The following WDR41 variants were observed in gnomAD, a reference collection of about 807,000 sequenced individuals.
The protein encoded by WDR41 is WD repeat-containing protein 41.
WDR41 carries 63 observed loss-of-function variants against 69.3 expected under a neutral mutation model. That is an observed-to-expected ratio of 0.91 (90% CI 0.74 to 1.12). The LOEUF (loss-of-function observed/expected upper bound fraction) is 1.12. Ranked by LOEUF, WDR41 falls within the 50% of genes most tolerant of loss-of-function variation. WDR41 has a pLI of 0.00. For synonymous variants in WDR41, 185 were observed against 192.1 expected, an observed-to-expected ratio of 0.96 and a Z score of 0.31; for missense variants, 543 against 534.5, an observed-to-expected ratio of 1.02 and a Z score of -0.16.
intron 8 of WDR41, among the ~76,000 whole-genome samples, chr5:77,443,249 C>T (rs1026066878): frequency 2.0e-5 from 3 of 152,106 alleles, no homozygotes; most frequent in Admixed American, 1.3e-4. Context: ...GTATTTTGAG[C>T]CCCTGGTATT....
At chr5:77,594,467 T>A (rs1356286201) in intron 1 of WDR41, among the ~76,000 whole-genome samples, 1 of 151,936 alleles carries the variant, frequency 6.6e-6, no homozygotes, top group African/African-American at 2.4e-5. Context: ...AAATAAATAA[T>A]TAAATACATC....
intron 8 of WDR41, among the ~76,000 whole-genome samples, chr5:77,443,776 C>A (rs1448077353): frequency 6.6e-6 from 1 of 152,070 alleles, no homozygotes; most frequent in Non-Finnish European, 1.5e-5. Context: ...TGACTTAATC[C>A]TCCAAGTGTC....
intron 1 of WDR41, among the ~76,000 whole-genome samples, chr5:77,605,524 G>T (rs995142861): frequency 6.6e-6 from 1 of 152,108 alleles, no homozygotes; most frequent in African/African-American, 2.4e-5. Context: ...TTTGCTCTAC[G>T]GGACCAAAAG....
At chr5:77,523,800 C>CT (rs1198315714) in intron 1 of WDR41, among the ~76,000 whole-genome samples, 1 of 152,062 alleles carries the variant, frequency 6.6e-6, no homozygotes, top group East Asian at 1.9e-4. Flanking sequence ...CAATTTTGAA[C>CT]TTTGAATATT....
At chr5:77,478,182 A>G (rs565105858) in intron 2 of WDR41, among the ~76,000 whole-genome samples, 2 of 152,320 alleles carry the variant, frequency 1.3e-5, no homozygotes, top group African/African-American at 4.8e-5. Context: ...GGCAATAATC[A>G]ATAGTTTACC....
chr5:77,433,655 C>T (rs1428987685), intron 12 of WDR41, among the ~76,000 whole-genome samples: 1 of 152,156 alleles, frequency 6.6e-6, no homozygotes, highest in Non-Finnish European at 1.5e-5. Flanking sequence ...TAAACACTGG[C>T]TTCAGCTCTC....
At chr5:77,486,353 G>C (rs1055294111) in intron 2 of WDR41, among the ~76,000 whole-genome samples, 1 of 152,108 alleles carries the variant, frequency 6.6e-6, no homozygotes, top group Admixed American at 6.5e-5. Flanking sequence ...TATTACAAAA[G>C]CCAAAAAGCA....
At chr5:77,601,285 G>A (rs1036230010) in intron 1 of WDR41, among the ~76,000 whole-genome samples, 12 of 151,786 alleles carry the variant, frequency 7.9e-5, no homozygotes, top group Admixed American at 5.9e-4. Flanking sequence ...TTATTTTGTC[G>A]AGATATACCT....
At chr5:77,436,786 G>A (rs1798952317) in intron 11 of WDR41, among the ~76,000 whole-genome samples, 1 of 152,120 alleles carries the variant, frequency 6.6e-6, no homozygotes, top group Non-Finnish European at 1.5e-5. Context: ...CAGGACTTCA[G>A]GAAGTCAAAA....
At chr5:77,451,595 A>G in intron 6 of WDR41, 2 of 402,408 alleles carry the variant, frequency 5.0e-6, no homozygotes, top group Admixed American at 4.2e-5. Context: ...GTTTTTTTGT[A>G]CTTTTTTTTA....
intron 1 of WDR41, among the ~76,000 whole-genome samples, chr5:77,584,009 T>G (rs1743990229): frequency 6.6e-6 from 1 of 152,334 alleles, no homozygotes; most frequent in Non-Finnish European, 1.5e-5. Flanking sequence ...TCTCAATAGA[T>G]GCAGAATAAT....
chr5:77,503,190 C>CAAAAAA (rs144057313), intron 1 of WDR41, among the ~76,000 whole-genome samples: 22 of 74,320 alleles, frequency 3.0e-4, no homozygotes, highest in Non-Finnish European at 3.8e-4. Context: ...AAATGGAAAG[C>CAAAAAA]AAAAAAAAAA....
Position 77,440,058 on chromosome 5 carries a change from TCCC to T in WDR41, c.882+752_882+754del, listed in dbSNP as rs761222334. Among the ~76,000 whole-genome samples, 21 of 152,088 alleles carry T rather than the reference TCCC, an allele frequency of 1.4e-4. No homozygotes were observed. In the Middle Eastern group the frequency reaches 0.01, roughly 74 times the overall value. ...GTACAAAGAAAAATGGATCATATTC[TCCC>T]CCCACTACATAACACTACTACTGAA... On this transcript the variant is annotated intron_variant, in intron 9 of 12. Transcript: ENST00000296679.
intron 2 of WDR41, among the ~76,000 whole-genome samples, chr5:77,486,126 T>C (rs1304310462): frequency 2.0e-5 from 3 of 152,248 alleles, no homozygotes; most frequent in African/African-American, 7.2e-5. Context: ...CTGTTCATAA[T>C]GTTTATACTT....
intron 1 of WDR41, among the ~76,000 whole-genome samples, chr5:77,531,856 G>A (rs1015938184): frequency 6.6e-6 from 1 of 151,914 alleles, no homozygotes; most frequent in Non-Finnish European, 1.5e-5. Context: ...GACACAAAAG[G>A]TCGCATATTA....
intron 1 of WDR41, among the ~76,000 whole-genome samples, chr5:77,610,228 A>ACT (rs1237680259): frequency 2.0e-5 from 3 of 152,018 alleles, no homozygotes; most frequent in South Asian, 2.1e-4. Context: ...GTTGGAAAAC[A>ACT]CTGCAGGATA....
intron 1 of WDR41, among the ~76,000 whole-genome samples, chr5:77,573,985 TACA>T (rs961893566): frequency 3.3e-5 from 5 of 152,152 alleles, no homozygotes; most frequent in African/African-American, 9.7e-5. Flanking sequence ...AGAGACTTTT[TACA>T]ACAAGTTCCC....
intron 1 of WDR41, among the ~76,000 whole-genome samples, chr5:77,619,947 A>G (rs1048059356): frequency 6.6e-6 from 1 of 152,078 alleles, no homozygotes; most frequent in African/African-American, 2.4e-5. Context: ...TAAAGAGGGG[A>G]CACTAAGGGA....
At chr5:77,574,952 A>G (rs530643203) in intron 1 of WDR41, among the ~76,000 whole-genome samples, 1 of 152,346 alleles carries the variant, frequency 6.6e-6, no homozygotes, top group Admixed American at 6.5e-5. Flanking sequence ...ACATAAAATT[A>G]TGCACAACTA....
Sources: gnomAD v4.1 joint callset for allele counts (sites outside exome capture counted in the v4.1 genomes callset) on GRCh38, gnomAD v4.1.1 for gene constraint, MANE v1.5 for transcripts, NCBI Gene and HGNC (gene_info 2026-07-23, HGNC 2026-07-21) for gene names.